PARD3: variants seen among roughly 807,000 people sequenced by gnomAD.
PARD3 encodes par-3 family cell polarity regulator, also known as partitioning defective 3 homolog.
Under a neutral mutation model 155.4 loss-of-function variants are expected in PARD3, and 75 were observed. That is an observed-to-expected ratio of 0.48 (90% CI 0.40 to 0.58). The LOEUF is 0.58. PARD3 is among the 20% of genes least tolerant of loss of function. The pLI, the probability that PARD3 is intolerant of heterozygous loss-of-function variation, is 0.00. For synonymous variants in PARD3, 576 were observed against 610.5 expected (o/e 0.94, Z 0.83); for missense variants, 1,642 against 1,721.7 (o/e 0.95, Z 0.82).
At chr10:34,233,696 T>C (rs1953060570) in intron 22 of PARD3, among the ~76,000 whole-genome samples, 2 of 152,222 alleles carry the variant, frequency 1.3e-5, no homozygotes, top group South Asian at 4.1e-4. Flanking sequence ...CCAATAAGCA[T>C]CAGGTCCTAT....
intron 22 of PARD3, among the ~76,000 whole-genome samples, chr10:34,168,392 T>C (rs1949637035): frequency 6.6e-6 from 1 of 152,210 alleles, no homozygotes; most frequent in Admixed American, 6.5e-5. Context: ...TGACTTTGAT[T>C]ATTTTATTTT....
At chr10:34,677,624 T>C (rs1383506280) in intron 2 of PARD3, among the ~76,000 whole-genome samples, 3 of 152,176 alleles carry the variant, frequency 2.0e-5, no homozygotes, top group Non-Finnish European at 4.4e-5. Context: ...ATTCATAAAC[T>C]GGCCAGAATC....
At chr10:34,200,275 T>G (rs2053450) in intron 22 of PARD3, among the ~76,000 whole-genome samples, 7,593 of 152,188 alleles carry the variant, frequency 0.05, 241 homozygotes, top group East Asian at 0.15. Flanking sequence ...TTAGAGGCAG[T>G]TAGAGCAAGA....
chr10:34,312,650 C>A (rs913817973), intron 20 of PARD3, among the ~76,000 whole-genome samples: 2 of 152,004 alleles, frequency 1.3e-5, no homozygotes, highest in Non-Finnish European at 1.5e-5. Flanking sequence ...CTTCGGGGAC[C>A]CAGGTAATCA....
intron 11 of PARD3, 77 bp downstream of exon 11, chr10:34,374,797 A>G (rs1206424802): frequency 3.6e-6 from 5 of 1,373,442 alleles, no homozygotes; most frequent in Non-Finnish European, 5.0e-6. Flanking sequence ...CTCAATAAAC[A>G]TTTGCCATCA....
At chr10:34,432,848 T>C (rs1206760468) in intron 5 of PARD3, among the ~76,000 whole-genome samples, 1 of 152,020 alleles carries the variant, frequency 6.6e-6, no homozygotes, top group African/African-American at 2.4e-5. Context: ...AGGAAGAGCA[T>C]GTAAAAACCC....
intron 12 of PARD3, among the ~76,000 whole-genome samples, chr10:34,361,123 G>A (rs1839394142): frequency 6.6e-6 from 1 of 152,170 alleles, no homozygotes; most frequent in African/African-American, 2.4e-5. Flanking sequence ...CTCCTCCTCA[G>A]CAATCCCGCC....
chr10:34,746,158 T>C (rs1835302979), intron 1 of PARD3, among the ~76,000 whole-genome samples: 1 of 151,734 alleles, frequency 6.6e-6, no homozygotes, highest in Admixed American at 6.6e-5. Context: ...ACAATAACTC[T>C]ACTATCAAAA....
chr10:34,114,439 G>A (rs1424301859), intron 24 of PARD3, among the ~76,000 whole-genome samples: 1 of 152,096 alleles, frequency 6.6e-6, no homozygotes, highest in Non-Finnish European at 1.5e-5. Context: ...TACTTCCTGG[G>A]TTCAAGCGAT....
At chr10:34,312,399 G>C (rs1469095631) in intron 20 of PARD3, 6 of 1,611,964 alleles carry the variant, frequency 3.7e-6, no homozygotes, top group Non-Finnish European at 5.1e-6. Context: ...GAGAGACACG[G>C]TACAGACACA....
chr10:34,684,818 CACACACACACACATAT>C lies in PARD3; in HGVS notation c.222+11484_222+11499del, dbSNP rs879402571. ...ACACACACACACACACACACACACACACACACACACACATATATACACACACACATATATATACATG... is the reference window on the plus strand; with the variant it reads ...ACACACACACACACACACACACACACATACACACACACATATATATACATG... On this transcript the variant is annotated intron_variant, in intron 2 of 24. Coordinates refer to ENST00000374788, the MANE Select transcript of PARD3 (RefSeq NM_001184785.2). Among the ~76,000 whole-genome samples the C allele has an allele frequency of 5.1e-4, 60 of 117,774 alleles. 1 individual carries two copies. Among genetic ancestry groups the C allele is most frequent in the Non-Finnish European group, 5.3e-4 (32 of 59,954 alleles). 77.3% of individuals were successfully genotyped at this position (117,774 alleles called of 152,430 possible).
At chr10:34,217,059 ATTC>A (rs1284473377) in intron 22 of PARD3, among the ~76,000 whole-genome samples, 1 of 152,184 alleles carries the variant, frequency 6.6e-6, no homozygotes, top group East Asian at 1.9e-4. Flanking sequence ...TCAGAGCATC[ATTC>A]TTCTTCCTTG....
At chr10:34,125,714 G>A (rs1947252493) in intron 23 of PARD3, among the ~76,000 whole-genome samples, 1 of 152,132 alleles carries the variant, frequency 6.6e-6, no homozygotes, top group African/African-American at 2.4e-5. Context: ...ATTGAATGAC[G>A]GACAGCTAGG....
At chr10:34,616,946 A>T (rs1037686644) in intron 2 of PARD3, among the ~76,000 whole-genome samples, 13 of 151,706 alleles carry the variant, frequency 8.6e-5, no homozygotes, top group South Asian at 2.1e-4. Context: ...AAAAAAAAAA[A>T]AAATAACTAA....
chr10:34,569,564 C>G (rs2086220392), intron 2 of PARD3, among the ~76,000 whole-genome samples: 1 of 151,948 alleles, frequency 6.6e-6, no homozygotes, highest in Non-Finnish European at 1.5e-5. Flanking sequence ...ACTACAGGTG[C>G]CCGCCATCAC....
intron 22 of PARD3, among the ~76,000 whole-genome samples, chr10:34,156,245 C>T (rs1948999358): frequency 6.6e-6 from 1 of 152,034 alleles, no homozygotes; most frequent in Non-Finnish European, 1.5e-5. Context: ...GTAGCTGGGA[C>T]TACAGGTACA....
At chr10:34,163,189 C>G (rs569775497) in intron 22 of PARD3, among the ~76,000 whole-genome samples, 1 of 152,036 alleles carries the variant, frequency 6.6e-6, no homozygotes, top group Non-Finnish European at 1.5e-5. Context: ...GAGGGAGTTG[C>G]GTATTCACCT....
At chr10:34,801,436 C>T (rs1842831588) in intron 1 of PARD3, among the ~76,000 whole-genome samples, 1 of 152,108 alleles carries the variant, frequency 6.6e-6, no homozygotes, top group Admixed American at 6.5e-5. Context: ...CCCTTCAATA[C>T]TGTGGTATGA....
intron 4 of PARD3, among the ~76,000 whole-genome samples, chr10:34,466,097 A>C (rs2077989965): frequency 6.6e-6 from 1 of 152,168 alleles, no homozygotes; most frequent in Admixed American, 6.5e-5. Flanking sequence ...ATGTTCCCTA[A>C]AACAGTTGGA....
Sources: allele counts gnomAD v4.1 joint callset (sites outside exome capture counted in the v4.1 genomes callset), GRCh38; gene constraint gnomAD v4.1.1; transcripts MANE v1.5; gene names NCBI Gene and HGNC (gene_info 2026-07-23, HGNC 2026-07-21).